Variants in SCFD2 observed in about 807,000 individuals in gnomAD.
The protein encoded by SCFD2 is sec1 family domain-containing protein 2.
SCFD2 carries 54 observed loss-of-function variants against 58.9 expected under a neutral mutation model. The observed-to-expected ratio is 0.92, with a 90% CI of 0.74 to 1.15. The LOEUF (loss-of-function observed/expected upper bound fraction) is 1.15, where lower values mean the gene tolerates loss of function less well. Ranked by LOEUF, SCFD2 falls within the 50% of genes most tolerant of loss-of-function variation. SCFD2 has a pLI of 0.00. For synonymous variants in SCFD2, 321 were observed against 335.9 expected (o/e 0.96, Z 0.49); for missense variants, 805 against 836.6 (o/e 0.96, Z 0.47).
At chr4:53,153,482 G>A (rs1726573536) in intron 4 of SCFD2, among the ~76,000 whole-genome samples, 1 of 152,184 alleles carries the variant, frequency 6.6e-6, no homozygotes, top group Non-Finnish European at 1.5e-5. Flanking sequence ...GGCTGCATAG[G>A]GCAGTGGGGC....
intron 4 of SCFD2, among the ~76,000 whole-genome samples, chr4:53,171,284 A>T (rs1727169474): frequency 6.6e-6 from 1 of 152,132 alleles, no homozygotes; most frequent in Non-Finnish European, 1.5e-5. Flanking sequence ...AGGGTTTTTA[A>T]CCTTCATTCT....
chr4:53,283,729 T>C (rs1400933327), intron 3 of SCFD2, among the ~76,000 whole-genome samples: 1 of 151,760 alleles, frequency 6.6e-6, no homozygotes, highest in Non-Finnish European at 1.5e-5. Flanking sequence ...CCACCACACC[T>C]GGCTAATTTT....
chr4:53,017,027 G>C (rs963913123), intron 5 of SCFD2, among the ~76,000 whole-genome samples: 4 of 152,174 alleles, frequency 2.6e-5, no homozygotes, highest in Non-Finnish European at 4.4e-5. Flanking sequence ...AGAATTGCTT[G>C]AACCCAGGAG....
intron 4 of SCFD2, among the ~76,000 whole-genome samples, chr4:53,252,737 A>C (rs1730441620): frequency 6.6e-6 from 1 of 152,240 alleles, no homozygotes; most frequent in Non-Finnish European, 1.5e-5. Flanking sequence ...AATTAATTCA[A>C]GATGGATTAT....
At chr4:53,056,431 T>A (rs1344750492) in intron 5 of SCFD2, among the ~76,000 whole-genome samples, 1 of 152,144 alleles carries the variant, frequency 6.6e-6, no homozygotes. Flanking sequence ...ATGTTTTGCC[T>A]CTCAAATAAA....
At chr4:52,941,945 TTCC>T (rs1720304161) in intron 5 of SCFD2, among the ~76,000 whole-genome samples, 1 of 152,238 alleles carries the variant, frequency 6.6e-6, no homozygotes. Flanking sequence ...CAATGAGCAT[TTCC>T]TTTGAGTATC....
intron 5 of SCFD2, among the ~76,000 whole-genome samples, chr4:53,063,515 G>A (rs571996390): frequency 2.0e-5 from 3 of 152,158 alleles, no homozygotes; most frequent in Admixed American, 6.6e-5. Context: ...TGATCCTAAC[G>A]AACAAATAAA....
intron 5 of SCFD2, among the ~76,000 whole-genome samples, chr4:53,035,934 T>C (rs1158966736): frequency 6.6e-6 from 1 of 152,190 alleles, no homozygotes; most frequent in Non-Finnish European, 1.5e-5. Context: ...CTCAAGGATC[T>C]AGACCTAGAA....
intron 5 of SCFD2, among the ~76,000 whole-genome samples, chr4:52,966,831 T>A (rs149194088): frequency 1.3e-5 from 2 of 152,116 alleles, no homozygotes; most frequent in South Asian, 2.1e-4. Flanking sequence ...TTAAAAAAAA[T>A]TGTGTAAAGC....
intron 3 of SCFD2, among the ~76,000 whole-genome samples, chr4:53,283,174 T>TC (rs1731558521): frequency 6.6e-6 from 1 of 152,236 alleles, no homozygotes; most frequent in South Asian, 2.1e-4. Flanking sequence ...ACTTACCCAG[T>TC]CGATAGTCTC....
chr4:53,001,740 T>C (rs1428512637), intron 5 of SCFD2, among the ~76,000 whole-genome samples: 1 of 152,218 alleles, frequency 6.6e-6, no homozygotes, highest in Non-Finnish European at 1.5e-5. Flanking sequence ...TGTTGGTATA[T>C]TTAAGGAGAG....
chr4:53,336,877 A>G (rs1167730302), intron 2 of SCFD2, among the ~76,000 whole-genome samples: 1 of 152,204 alleles, frequency 6.6e-6, no homozygotes, highest in Non-Finnish European at 1.5e-5. Flanking sequence ...CAATAAGCAC[A>G]TGAAAGTGTG....
chr4:52,874,040 G>A lies in SCFD2; in HGVS notation c.1984C>T (p.Leu662Phe), dbSNP rs768779823. The A allele has an allele frequency of 1.2e-6, 2 of 1,613,942 alleles. No homozygotes were observed. The highest frequency in any genetic ancestry group is 1.7e-6 in the Non-Finnish European group (2 of 1,179,808). The change falls in exon 9 of 9, where the codon CTC (leucine) becomes TTC (phenylalanine). Residue 662 changes from leucine (L) to phenylalanine (F), a missense_variant. By Grantham distance (22) the Leu-to-Phe change is conservative. Around this residue, in one of 3 missense-constraint regions of SCFD2, gnomAD observed 633 missense variants for 646.8 expected, o/e 0.98. Transcript: ENST00000401642. ...GTQVIVLSTRLLKPLNIPELL... is the reference protein window; with the variant it reads ...GTQVIVLSTRFLKPLNIPELL... The stretch of plus-strand genomic sequence containing the variant: ...TCAGGAATGTTAAGTGGCTTCAGGA[G>A]TCGTGTGGACAGCACGATTACCTAA...
At chr4:53,202,938 G>T (rs1439377890) in intron 4 of SCFD2, among the ~76,000 whole-genome samples, 1 of 152,106 alleles carries the variant, frequency 6.6e-6, no homozygotes, top group Non-Finnish European at 1.5e-5. Flanking sequence ...TGAGACAATG[G>T]GGTTATCTAG....
At chr4:53,315,548 T>C (rs1257912795) in intron 2 of SCFD2, among the ~76,000 whole-genome samples, 1 of 152,214 alleles carries the variant, frequency 6.6e-6, no homozygotes, top group Non-Finnish European at 1.5e-5. Context: ...TCAGCAGTTA[T>C]GAATACAGTC....
intron 5 of SCFD2, among the ~76,000 whole-genome samples, chr4:52,972,639 A>C (rs571476592): frequency 6.6e-6 from 1 of 152,288 alleles, no homozygotes; most frequent in African/African-American, 2.4e-5. Context: ...ATATCCAAGA[A>C]TTGAACTCAG....
chr4:53,162,740 C>A (rs1190721921), intron 4 of SCFD2, among the ~76,000 whole-genome samples: 3 of 151,620 alleles, frequency 2.0e-5, no homozygotes, highest in African/African-American at 7.3e-5. Flanking sequence ...AGGAGATATA[C>A]CTAATGCTAA....
chr4:53,199,398 A>G (rs1054286017), intron 4 of SCFD2, among the ~76,000 whole-genome samples: 6 of 152,114 alleles, frequency 3.9e-5, no homozygotes, highest in Non-Finnish European at 4.4e-5. Context: ...GTTGTGTAGT[A>G]TAAGAAGAAA....
intron 5 of SCFD2, among the ~76,000 whole-genome samples, chr4:53,012,125 A>G (rs1351409728): frequency 6.6e-6 from 1 of 152,016 alleles, no homozygotes; most frequent in Non-Finnish European, 1.5e-5. Flanking sequence ...GGCAGAAGTC[A>G]AAGGGTCAAT....
Sources: allele counts gnomAD v4.1 joint callset (sites outside exome capture counted in the v4.1 genomes callset), GRCh38; gene constraint gnomAD v4.1.1; regional missense constraint gnomAD v4.1.1; transcripts MANE v1.5; gene names NCBI Gene and HGNC (gene_info 2026-07-23, HGNC 2026-07-21).